SEMA3C: variants seen among roughly 807,000 people sequenced by gnomAD.
SEMA3C encodes semaphorin 3C.
A neutral mutation model predicts 89.4 loss-of-function variants in SEMA3C; 47 were observed. The ratio of observed to expected loss-of-function variants is 0.53; its 90% CI spans 0.42 to 0.67. The LOEUF is 0.67. Among genes scored for constraint, SEMA3C ranks in the 30% least tolerant of loss-of-function variants. The pLI, the probability that SEMA3C is intolerant of heterozygous loss-of-function variation, is 0.00. For synonymous variants in SEMA3C, 310 were observed against 320.2 expected (o/e 0.97, Z 0.34); for missense variants, 839 against 929.1 (o/e 0.90, Z 1.26).
chr7:80,760,499 C>A, intron 14 of SEMA3C, among the ~76,000 whole-genome samples: 1 of 152,176 alleles, frequency 6.6e-6, no homozygotes, highest in East Asian at 1.9e-4. Flanking sequence ...ACCATACAAA[C>A]ATTTTTACAG....
chr7:80,843,794 T>A (rs909375409), intron 2 of SEMA3C, among the ~76,000 whole-genome samples: 3 of 152,218 alleles, frequency 2.0e-5, no homozygotes, highest in Non-Finnish European at 4.4e-5. Flanking sequence ...AAAACCATTA[T>A]GATATCTCAA....
At chr7:80,848,273 T>C (rs935106730) in intron 2 of SEMA3C, among the ~76,000 whole-genome samples, 3 of 152,192 alleles carry the variant, frequency 2.0e-5, no homozygotes, top group Non-Finnish European at 4.4e-5. Flanking sequence ...CTATGCTCCC[T>C]CCTTTTAGTC....
upstream of SEMA3C, among the ~76,000 whole-genome samples, chr7:80,919,957 A>G (rs1187200023): frequency 6.6e-6 from 1 of 152,152 alleles, no homozygotes; most frequent in Non-Finnish European, 1.5e-5. Flanking sequence ...GAGTTTCCTT[A>G]ATGCCCTGAA....
chr7:80,873,337 T>C (rs1046779957), intron 2 of SEMA3C, among the ~76,000 whole-genome samples: 6 of 152,210 alleles, frequency 3.9e-5, no homozygotes, highest in African/African-American at 1.4e-4. Flanking sequence ...TGGACATCTG[T>C]CTTGCAGATG....
intron 5 of SEMA3C, among the ~76,000 whole-genome samples, chr7:80,814,247 C>T (rs1389014663): frequency 6.6e-6 from 1 of 152,022 alleles, no homozygotes; most frequent in Non-Finnish European, 1.5e-5. Context: ...TGCCACCACG[C>T]CCAGCTAATT....
At chr7:80,802,330 T>A (rs1789228194) in intron 9 of SEMA3C, among the ~76,000 whole-genome samples, 1 of 152,084 alleles carries the variant, frequency 6.6e-6, no homozygotes, top group Non-Finnish European at 1.5e-5. Flanking sequence ...GAATATTAGA[T>A]ATTCTAATAT....
chr7:80,753,924 T>TTTTG (rs150994998), intron 15 of SEMA3C, among the ~76,000 whole-genome samples: 45,193 of 151,026 alleles, frequency 0.3, 6,878 homozygotes, highest in South Asian at 0.37. Context: ...TTTACTAGAG[T>TTTTG]TTTGTTTGTT....
chr7:80,778,032 T>C lies in SEMA3C; in HGVS notation c.1354+11274A>G, dbSNP rs78541731. 4.2e-3 allele frequency among the ~76,000 whole-genome samples: 637 copies of C among 152,292 alleles called. 3 individuals carry two copies. Among genetic ancestry groups the C allele is most frequent in the African/African-American group, 0.014 (590 of 41,564 alleles). On this transcript the variant is annotated intron_variant, in intron 12 of 17. Transcript: ENST00000265361. ...AAAAGTGTTTAATAAGTTTGTATATTCTGGTTCTAGAAGCAAATTTTCTCT... is the reference window on the plus strand; with the variant it reads ...AAAAGTGTTTAATAAGTTTGTATATCCTGGTTCTAGAAGCAAATTTTCTCT...
chr7:80,761,803 C>T (rs536231894), intron 13 of SEMA3C, 146 bp from the exon 14 acceptor site: 15 of 516,652 alleles, frequency 2.9e-5, no homozygotes, highest in East Asian at 7.5e-5. Flanking sequence ...ATATAAAATA[C>T]ATTTGCATAT....
At chr7:80,807,547 G>C (rs1223097007) in intron 6 of SEMA3C, among the ~76,000 whole-genome samples, 1 of 152,132 alleles carries the variant, frequency 6.6e-6, no homozygotes, top group Non-Finnish European at 1.5e-5. Context: ...ACCTTATGCA[G>C]AAATAAACTT....
chr7:80,814,077 T>C (rs912846294), intron 5 of SEMA3C, among the ~76,000 whole-genome samples: 10 of 145,618 alleles, frequency 6.9e-5, no homozygotes, highest in African/African-American at 2.6e-4. Context: ...CTGTTCCTTT[T>C]TTTTTTCTTT....
intron 6 of SEMA3C, among the ~76,000 whole-genome samples, chr7:80,806,030 T>C (rs940250645): frequency 1.3e-5 from 2 of 152,014 alleles, no homozygotes; most frequent in Non-Finnish European, 2.9e-5. Context: ...TTCCTCTACC[T>C]GTACTTAATT....
chr7:80,854,557 G>A (rs1473786518), intron 2 of SEMA3C, among the ~76,000 whole-genome samples: 2 of 152,184 alleles, frequency 1.3e-5, no homozygotes, highest in Non-Finnish European at 2.9e-5. Context: ...GGGTAGGGCT[G>A]AGGTAATTAT....
At chr7:80,813,669 T>C (rs1322080766) in intron 5 of SEMA3C, among the ~76,000 whole-genome samples, 1 of 152,206 alleles carries the variant, frequency 6.6e-6, no homozygotes, top group African/African-American at 2.4e-5. Flanking sequence ...CACCTTAGAT[T>C]TCCATTATTC....
At chr7:80,831,789 T>C (rs550979655) in intron 2 of SEMA3C, among the ~76,000 whole-genome samples, 1 of 152,294 alleles carries the variant, frequency 6.6e-6, no homozygotes, top group East Asian at 1.9e-4. Context: ...AATGATTTTA[T>C]GTAGGTTTTG....
At position 80,805,760 on chromosome 7, in the gene SEMA3C, T is replaced by C; in HGVS notation, c.539-2A>G. 1 of 1,579,960 alleles carries C rather than the reference T, an allele frequency of 6.3e-7. No individual in the cohort carries two copies. Among genetic ancestry groups the C allele is most frequent in the Non-Finnish European group, 8.6e-7 (1 of 1,162,484 alleles). ...ACATTCCAGAGAAAAGCTCCTCATCTATGAAAAAGAAAATATCAATGAAAT... is the reference window on the plus strand; with the variant it reads ...ACATTCCAGAGAAAAGCTCCTCATCCATGAAAAAGAAAATATCAATGAAAT... On this transcript the variant is annotated splice_acceptor_variant, in intron 6 of 17. Coordinates refer to ENST00000265361, the MANE Select transcript of SEMA3C (RefSeq NM_006379.5). LOFTEE classifies it high-confidence loss of function.
intron 2 of SEMA3C, among the ~76,000 whole-genome samples, chr7:80,842,094 G>A (rs1289579294): frequency 6.6e-6 from 1 of 152,096 alleles, no homozygotes; most frequent in Admixed American, 6.6e-5. Flanking sequence ...TCAGCGGCTG[G>A]AGCAGAGATT....
chr7:80,910,219 A>G (rs1792111558), intron 2 of SEMA3C, among the ~76,000 whole-genome samples: 1 of 152,220 alleles, frequency 6.6e-6, no homozygotes, highest in African/African-American at 2.4e-5. Context: ...CTTCATAGGC[A>G]TTCTATAATA....
chr7:80,887,306 T>C (rs931779887), intron 2 of SEMA3C, among the ~76,000 whole-genome samples: 2 of 152,184 alleles, frequency 1.3e-5, no homozygotes, highest in Non-Finnish European at 2.9e-5. Context: ...AGAAATAGTA[T>C]GAGGAAACAA....
Sources: gnomAD v4.1 joint callset for allele counts (sites outside exome capture counted in the v4.1 genomes callset) on GRCh38, gnomAD v4.1.1 for gene constraint, MANE v1.5 for transcripts, NCBI Gene and HGNC (gene_info 2026-07-23, HGNC 2026-07-21) for gene names.